The following ENAH variants were observed in gnomAD, a reference collection of about 807,000 sequenced individuals.
ENAH encodes ENAH actin regulator.
In ENAH, 23 loss-of-function variants were observed where a neutral mutation model predicts 78.7. The ratio of observed to expected loss-of-function variants is 0.29; its 90% CI spans 0.21 to 0.41. The LOEUF is 0.41. ENAH is among the 10% of genes least tolerant of loss of function. ENAH has a pLI of 1.00. For missense variants in ENAH, 544 were observed against 691.0 expected (o/e 0.79, Z 2.39); for synonymous variants, 226 against 241.0 (o/e 0.94, Z 0.58).
chr1:225,551,926 C>G (rs564066191), intron 3 of ENAH, among the ~76,000 whole-genome samples: 50 of 152,050 alleles, frequency 3.3e-4, no homozygotes, highest in Admixed American at 3.3e-3. Flanking sequence ...GGAAGAAAGA[C>G]AGTAGATGAT....
rs117664905 is a variant in ENAH at position 225,608,281 on chromosome 1, A to G, written c.6-40867T>C. On this transcript the variant is annotated intron_variant, in intron 1 of 13. Coordinates refer to ENST00000366843, the MANE Select transcript of ENAH (RefSeq NM_018212.6). Reference sequence around the variant, plus strand: ...AAGAGTAGATAAAAGAATTCAGAAGACCCAAAAACCCCCTAACAAGGAGTT... The same window carrying G: ...AAGAGTAGATAAAAGAATTCAGAAGGCCCAAAAACCCCCTAACAAGGAGTT... 1.4e-3 allele frequency among the ~76,000 whole-genome samples: 215 copies of G among 151,374 alleles called. 4 individuals are homozygous for G. The East Asian group carries it at 0.032, about 22-fold the overall frequency.
Position 225,637,057 on chromosome 1 carries a change from C to T in ENAH, c.5+15629G>A, listed in dbSNP as rs148449861. ...ACTGGTACCTTTGGAAAACAATAAACGACCATTCTGAAGTGAATTCACATG... is the reference window on the plus strand; with the variant it reads ...ACTGGTACCTTTGGAAAACAATAAATGACCATTCTGAAGTGAATTCACATG... On this transcript the variant is annotated intron_variant, in intron 1 of 13. Coordinates refer to ENST00000366843, the MANE Select transcript of ENAH (RefSeq NM_018212.6). Among the ~76,000 whole-genome samples, 230 of 152,234 alleles carry T rather than the reference C, an allele frequency of 1.5e-3. 1 individual carries two copies. Among genetic ancestry groups the T allele is most frequent in the South Asian group, 1.0e-2 (48 of 4,822 alleles).
intron 3 of ENAH, among the ~76,000 whole-genome samples, chr1:225,552,061 T>C (rs2096643092): frequency 6.6e-6 from 1 of 151,656 alleles, no homozygotes; most frequent in Non-Finnish European, 1.5e-5. Context: ...AATGTTGGGG[T>C]AGGGTACATA....
intron 1 of ENAH, among the ~76,000 whole-genome samples, chr1:225,597,742 CAA>C (rs1391598090): frequency 2.7e-5 from 4 of 146,812 alleles, no homozygotes; most frequent in East Asian, 4.0e-4. Flanking sequence ...GCCAGAAAAA[CAA>C]AAAAGAGTAT....
intron 3 of ENAH, among the ~76,000 whole-genome samples, chr1:225,548,934 C>T (rs1327041581): frequency 6.6e-6 from 1 of 151,174 alleles, no homozygotes; most frequent in Non-Finnish European, 1.5e-5. Context: ...ACTGCAACCT[C>T]CGCCTCCCGG....
At chr1:225,591,628 G>A (rs1481523239) in intron 1 of ENAH, among the ~76,000 whole-genome samples, 1 of 150,010 alleles carries the variant, frequency 6.7e-6, no homozygotes, top group Non-Finnish European at 1.5e-5. Flanking sequence ...AGCCAGGCAT[G>A]ATGGCAGGCG....
chr1:225,604,532 T>C (rs150433489), intron 1 of ENAH, among the ~76,000 whole-genome samples: 6,479 of 150,504 alleles, frequency 0.043, 224 homozygotes, highest in South Asian at 0.1. Context: ...GCCTGTAATC[T>C]CAGCACTTTA....
chr1:225,619,036 C>T (rs1358365963), intron 1 of ENAH, among the ~76,000 whole-genome samples: 1 of 152,076 alleles, frequency 6.6e-6, no homozygotes, highest in African/African-American at 2.4e-5. Flanking sequence ...CCCAAATCAG[C>T]ATTACTCAAA....
Position 225,535,146 on chromosome 1 carries a change from T to C in ENAH, c.350-4508A>G, listed in dbSNP as rs959798752. 2.6e-5 allele frequency among the ~76,000 whole-genome samples: 4 copies of C among 152,242 alleles called. No homozygotes were observed. The East Asian group carries it at 7.7e-4, about 29-fold the overall frequency. On this transcript the variant is annotated intron_variant, in intron 3 of 13. Coordinates refer to ENST00000366843, the MANE Select transcript of ENAH (RefSeq NM_018212.6). ...GCACATTTACGTTCCTCAAATCATA[T>C]TAAGATGGACATAAATTTTTTCCTT...
chr1:225,557,958 C>T (rs2096675723), intron 2 of ENAH, among the ~76,000 whole-genome samples: 1 of 152,114 alleles, frequency 6.6e-6, no homozygotes, highest in Admixed American at 6.5e-5. Context: ...TTATCAAGTC[C>T]TCCCCAACAT....
chr1:225,519,413 T>C lies in ENAH; in HGVS notation c.587A>G (p.Gln196Arg). Reference protein sequence around the residue: ...LEQEQLERERQERERQERLER... With the variant: ...LEQEQLERERRERERQERLER... ...CAGGCGTTCCTGCCGTTCCCGTTCTTGTCTCTCTCTCTCCAGCTGTTCTTG... is the reference window on the plus strand; with the variant it reads ...CAGGCGTTCCTGCCGTTCCCGTTCTCGTCTCTCTCTCTCCAGCTGTTCTTG... The change falls in exon 5 of 14, where the codon CAA (glutamine) becomes CGA (arginine). Residue 196 changes from glutamine (Q) to arginine (R), a missense_variant. Gln to Arg is a conservative substitution (Grantham distance 43). Transcript: ENST00000366843. 1 of 1,614,128 alleles carries C rather than the reference T, an allele frequency of 6.2e-7. No homozygotes were observed. The highest frequency in any genetic ancestry group is 2.2e-5 in the East Asian group (1 of 44,874).
rs1041539245 is a variant in ENAH at position 225,633,191 on chromosome 1, T to G, written c.5+19495A>C. Among the ~76,000 whole-genome samples, 5 of 152,016 alleles carry G rather than the reference T, an allele frequency of 3.3e-5. No individual in the cohort carries two copies. In the South Asian group the frequency reaches 1.0e-3, roughly 32 times the overall value. Reference sequence around the variant, plus strand: ...CTGAATAGCTGGAACTACAGGCACCTGCCACCACACCTGGCTAATTTTTTT... The same window carrying G: ...CTGAATAGCTGGAACTACAGGCACCGGCCACCACACCTGGCTAATTTTTTT... On this transcript the variant is annotated intron_variant, in intron 1 of 13. Transcript: ENST00000366843.
chr1:225,517,224 A>G lies in ENAH; in HGVS notation c.885T>C (p.Ser295=). ...SASEPGLQAA[S]QPAETPSQQG... The stretch of plus-strand genomic sequence containing the variant: ...GTTGGGATGGAGTCTCGGCCGGCTG[A>G]GAGGCTGCCTGCAAGCCTGGCTCAG... The change falls in exon 6 of 14, where the codon TCT becomes TCC. Residue 295 remains serine (S), a synonymous_variant. Coordinates refer to ENST00000366843, the MANE Select transcript of ENAH (RefSeq NM_018212.6). 1 of 1,547,046 alleles carries G rather than the reference A, an allele frequency of 6.5e-7. No homozygotes were observed. Among genetic ancestry groups the G allele is most frequent in the East Asian group, 2.4e-5 (1 of 40,944 alleles).
chr1:225,551,756 T>C (rs1215053679), intron 3 of ENAH, among the ~76,000 whole-genome samples: 1 of 152,176 alleles, frequency 6.6e-6, no homozygotes, highest in African/African-American at 2.4e-5. Context: ...ATGTTTAATA[T>C]GGAAAAATGT....
At chr1:225,615,174 CT>C (rs1193358896) in intron 1 of ENAH, among the ~76,000 whole-genome samples, 9 of 152,180 alleles carry the variant, frequency 5.9e-5, no homozygotes. Context: ...TGCGGAGTGC[CT>C]GGGATTGCAG....
intron 1 of ENAH, among the ~76,000 whole-genome samples, chr1:225,584,756 A>T (rs543506353): frequency 1.3e-5 from 2 of 152,364 alleles, no homozygotes; most frequent in Admixed American, 1.3e-4. Context: ...TAAATAAAAT[A>T]TTATATGTCA....
rs761909050 is a variant in ENAH, at chr1:225,488,902, T to G, written c.*8873A>C. On this transcript the variant is annotated 3_prime_UTR_variant, in exon 14 of 14. Transcript: ENST00000366843. ...ACCTGGTCTGCCAAGACATTGCTGT[T>G]AAACAGAGTCTTTTGGATTAAAACC... The G allele has an allele frequency of 6.6e-6, 1 of 152,228 alleles. No individual in the cohort carries two copies. Among genetic ancestry groups the G allele is most frequent in the Non-Finnish European group, 1.5e-5 (1 of 68,044 alleles). The allele number at this position is 152,228 out of a possible 1,614,324, so 9.4% of individuals were successfully genotyped here.
At chr1:225,578,163 A>T (rs899631222) in intron 1 of ENAH, among the ~76,000 whole-genome samples, 1 of 152,194 alleles carries the variant, frequency 6.6e-6, no homozygotes, top group African/African-American at 2.4e-5. Context: ...GACCGAAAAA[A>T]ATAAAAAGAA....
intron 1 of ENAH, among the ~76,000 whole-genome samples, chr1:225,648,406 T>C (rs1266921169): frequency 2.0e-5 from 3 of 152,232 alleles, no homozygotes; most frequent in Non-Finnish European, 4.4e-5. Flanking sequence ...ATTCAGTATG[T>C]AATTTCTTCT....
Sources: allele counts gnomAD v4.1 joint callset (sites outside exome capture counted in the v4.1 genomes callset), GRCh38; gene constraint gnomAD v4.1.1; transcripts MANE v1.5; gene names NCBI Gene and HGNC (gene_info 2026-07-23, HGNC 2026-07-21).